ANKRD17: variants seen among roughly 807,000 people sequenced by gnomAD.
The protein encoded by ANKRD17 is ankyrin repeat domain 17.
Under a neutral mutation model 229.7 loss-of-function variants are expected in ANKRD17, and 19 were observed. That is an observed-to-expected ratio of 0.08 (90% CI 0.06 to 0.12). The LOEUF is 0.12. Among genes scored for constraint, ANKRD17 ranks in the 10% least tolerant of loss-of-function variants. The pLI is 1.00. For missense variants in ANKRD17, 2,176 were observed against 3,176.8 expected (o/e 0.68, Z 7.57); for synonymous variants, 1,112 against 1,146.1 (o/e 0.97, Z 0.60).
chr4:73,246,738 C>T (rs760557639), intron 1 of ANKRD17, among the ~76,000 whole-genome samples: 9 of 152,052 alleles, frequency 5.9e-5, no homozygotes, highest in Non-Finnish European at 1.3e-4. Context: ...CAACAAAAAA[C>T]AGTGAGGTAC....
chr4:73,201,586 T>C (rs912914797), intron 1 of ANKRD17, among the ~76,000 whole-genome samples: 50 of 152,158 alleles, frequency 3.3e-4, no homozygotes, highest in African/African-American at 1.1e-3. Context: ...TGAAAGGAAA[T>C]GTATCAAAAT....
At chr4:73,180,967 C>A (rs1735470450) in intron 1 of ANKRD17, among the ~76,000 whole-genome samples, 1 of 152,108 alleles carries the variant, frequency 6.6e-6, no homozygotes, top group Non-Finnish European at 1.5e-5. Context: ...GTACACCCAG[C>A]AATTAGAAAT....
At chr4:73,151,582 T>A in intron 6 of ANKRD17, 58 bp from the exon 7 acceptor site, 3 of 1,251,064 alleles carry the variant, frequency 2.4e-6, no homozygotes, top group Middle Eastern at 2.4e-4. Context: ...AAATATTTTT[T>A]AAAATTATAA....
At position 73,239,482 on chromosome 4, in the gene ANKRD17, T is replaced by A. The variant is rs573316095; in HGVS notation, c.393+18794A>T. On this transcript the variant is annotated intron_variant, in intron 1 of 33. Coordinates refer to ENST00000358602, the MANE Select transcript of ANKRD17 (RefSeq NM_032217.5). Reference sequence around the variant, plus strand: ...AAGGACTAAGATAACTATATGTGTATTAACGTGAAAATCTATGATGGAATA... The same window carrying A: ...AAGGACTAAGATAACTATATGTGTAATAACGTGAAAATCTATGATGGAATA... 1.9e-4 allele frequency among the ~76,000 whole-genome samples: 29 copies of A among 152,316 alleles called. No homozygotes were observed. The East Asian group carries it at 5.4e-3, about 28-fold the overall frequency.
chr4:73,257,207 C>G (rs1745526587), intron 1 of ANKRD17, among the ~76,000 whole-genome samples: 1 of 152,156 alleles, frequency 6.6e-6, no homozygotes, highest in South Asian at 2.1e-4. Context: ...TTTCTAGATT[C>G]TATTTCAGGA....
At chr4:73,167,832 A>T (rs1733433182) in intron 2 of ANKRD17, among the ~76,000 whole-genome samples, 1 of 152,166 alleles carries the variant, frequency 6.6e-6, no homozygotes, top group African/African-American at 2.4e-5. Context: ...TTGGATGGAA[A>T]TCAAGTTTAA....
chr4:73,206,188 A>T (rs1370898187), intron 1 of ANKRD17, among the ~76,000 whole-genome samples: 1 of 152,138 alleles, frequency 6.6e-6, no homozygotes, highest in Admixed American at 6.5e-5. Flanking sequence ...TTCCTCAAAA[A>T]ATTGAAAACA....
At chr4:73,145,932 T>A (rs1022017881) in intron 10 of ANKRD17, among the ~76,000 whole-genome samples, 1 of 152,170 alleles carries the variant, frequency 6.6e-6, no homozygotes, top group African/African-American at 2.4e-5. Flanking sequence ...CATGAATTTG[T>A]CATAAACTGT....
intron 24 of ANKRD17, among the ~76,000 whole-genome samples, chr4:73,107,239 T>C (rs1037318174): frequency 1.3e-5 from 2 of 152,188 alleles, no homozygotes; most frequent in African/African-American, 2.4e-5. Context: ...GCAAAAATAA[T>C]TGAGAACCTA....
chr4:73,189,646 C>A (rs1359716644), intron 1 of ANKRD17, among the ~76,000 whole-genome samples: 1 of 152,158 alleles, frequency 6.6e-6, no homozygotes, highest in African/African-American at 2.4e-5. Flanking sequence ...CTTTTCCCAA[C>A]CCTTTCGTTC....
At chr4:73,111,816 T>C (rs912876594) in intron 24 of ANKRD17, among the ~76,000 whole-genome samples, 2 of 152,214 alleles carry the variant, frequency 1.3e-5, no homozygotes. Flanking sequence ...ACAATCAGTG[T>C]GAACATTTAT....
chr4:73,215,385 G>A (rs560957299), intron 1 of ANKRD17, among the ~76,000 whole-genome samples: 62 of 152,002 alleles, frequency 4.1e-4, no homozygotes, highest in Non-Finnish European at 7.4e-4. Context: ...TCAGCCTGCC[G>A]AGTAGCTGGG....
intron 22 of ANKRD17, among the ~76,000 whole-genome samples, chr4:73,118,116 A>G (rs1299993359): frequency 6.6e-6 from 1 of 152,086 alleles, no homozygotes; most frequent in African/African-American, 2.4e-5. Context: ...TCTCAGGCTC[A>G]AGCCATCCTC....
chr4:73,160,774 C>T (rs879900970), intron 3 of ANKRD17, among the ~76,000 whole-genome samples: 1 of 152,068 alleles, frequency 6.6e-6, no homozygotes, highest in Non-Finnish European at 1.5e-5. Context: ...AATAAAAAGC[C>T]TTACTCTTTA....
chr4:73,098,043 TAAA>T (rs764074687), intron 26 of ANKRD17, 27 bp downstream of exon 26: 5 of 1,550,458 alleles, frequency 3.2e-6, no homozygotes, highest in Non-Finnish European at 4.4e-6. Context: ...GATGACACTA[TAAA>T]TATTGAAAAT....
chr4:73,125,106 A>G (rs752293623), intron 17 of ANKRD17, 48 bp from the exon 18 acceptor site: 3 of 1,606,466 alleles, frequency 1.9e-6, no homozygotes, highest in Admixed American at 3.4e-5. Context: ...GCAAAAGAAC[A>G]AAATATCTGA....
At chr4:73,183,553 C>T (rs1735867563) in intron 1 of ANKRD17, among the ~76,000 whole-genome samples, 1 of 152,048 alleles carries the variant, frequency 6.6e-6, no homozygotes, top group Admixed American at 6.6e-5. Flanking sequence ...CTCCTGGGTT[C>T]AAGCGATTCT....
intron 1 of ANKRD17, among the ~76,000 whole-genome samples, chr4:73,189,755 A>G (rs1736798106): frequency 6.6e-6 from 1 of 152,106 alleles, no homozygotes; most frequent in Non-Finnish European, 1.5e-5. Context: ...TTCCTCCATA[A>G]TACTACCACA....
In ANKRD17 at chr4:73,162,057, T is replaced by TC. The variant is rs1181540271; in HGVS notation, c.548-710_548-709insG. 3.3e-3 allele frequency among the ~76,000 whole-genome samples: 456 copies of TC among 136,774 alleles called. 6 individuals carry two copies. The highest frequency in any genetic ancestry group is 0.012 in the African/African-American group (434 of 37,728). The allele number at this position is 136,774 out of a possible 152,430, so 89.7% of individuals were successfully genotyped here. On this transcript the variant is annotated intron_variant, in intron 2 of 33. Transcript: ENST00000358602. ...CACTAGGCTGATTTTTCTCTCTCTC[T>TC]TTTTTTTTTTTTTTAGACAGGGTCT...
Sources: allele counts gnomAD v4.1 joint callset (sites outside exome capture counted in the v4.1 genomes callset), GRCh38; gene constraint gnomAD v4.1.1; transcripts MANE v1.5; gene names NCBI Gene and HGNC (gene_info 2026-07-23, HGNC 2026-07-21).